The following IQGAP3 variants were observed in gnomAD, a reference collection of about 807,000 sequenced individuals.
IQGAP3 encodes the protein IQ motif containing GTPase activating protein 3.
IQGAP3 carries 165 observed loss-of-function variants against 208.2 expected under a neutral mutation model. The observed-to-expected ratio is 0.79, with a 90% CI of 0.70 to 0.90. The LOEUF is 0.90. IQGAP3 is among the 40% of genes least tolerant of loss of function. The probability of loss-of-function intolerance (pLI) is 0.00; values close to 1 mark genes in which losing one functional copy is unlikely to be tolerated. For missense variants in IQGAP3, 1,811 were observed against 2,043.1 expected (o/e 0.89, Z 2.19); for synonymous variants, 703 against 803.6 (o/e 0.87, Z 2.12).
At chr1:156,539,282 T>G in intron 25 of IQGAP3, 92 bp downstream of exon 25, 1 of 1,227,034 alleles carries the variant, frequency 8.1e-7, no homozygotes, top group Non-Finnish European at 1.2e-6. Context: ...TTTCTACCCT[T>G]AGGCCTCAAC....
Position 156,537,193 on chromosome 1 carries a change from A to G in IQGAP3, c.3410T>C (p.Val1137Ala), listed in dbSNP as rs1571320200. Residue 1137 changes from valine to alanine, a missense_variant, in exon 27 of 38, where the codon GTG (valine) becomes GCG (alanine). Transcript: ENST00000361170. ...CTGTTGCACATACGGAATTTGGTCCACAGATGAGGTGATGGCTAAAAGGAA... is the reference window on the plus strand; with the variant it reads ...CTGTTGCACATACGGAATTTGGTCCGCAGATGAGGTGATGGCTAAAAGGAA... ...DKFLLAITSS[V>A]DQIPYGMRYV... The G allele has an allele frequency of 6.2e-7, 1 of 1,613,590 alleles. No homozygotes were observed. The highest frequency in any genetic ancestry group is 1.1e-5 in the South Asian group (1 of 91,020).
At position 156,563,560 on chromosome 1, in the gene IQGAP3, C is replaced by T; in HGVS notation, c.612G>A (p.Glu204=). The T allele has an allele frequency of 1.2e-6, 2 of 1,612,912 alleles. No homozygotes were observed. Among genetic ancestry groups the T allele is most frequent in the Non-Finnish European group, 1.7e-6 (2 of 1,179,504 alleles). The stretch of plus-strand genomic sequence containing the variant: ...GCAGAGCCTAGTCCTTACCTGCAGC[C>T]TCATCCACCGAGAGCTCATTGGCCA... ...GILANELSVD[E]AAVHAAVLAI... The change falls in exon 7 of 38, where the codon GAG becomes GAA. Residue 204 remains glutamate (E), a synonymous_variant. Transcript: ENST00000361170.
intron 34 of IQGAP3, among the ~76,000 whole-genome samples, chr1:156,529,415 A>G (rs1255028490): frequency 6.6e-6 from 1 of 151,980 alleles, no homozygotes; most frequent in Non-Finnish European, 1.5e-5. Flanking sequence ...ACCTGGGCAC[A>G]TTACCCAGCT....
At position 156,537,192 on chromosome 1, in the gene IQGAP3, C is replaced by G. The variant is rs780353451; in HGVS notation, c.3411G>C (p.Val1137=). Residue 1137 remains valine (V), a synonymous_variant, in exon 27 of 38, where the codon GTG becomes GTC. Coordinates refer to ENST00000361170, the MANE Select transcript of IQGAP3 (RefSeq NM_178229.5). ...GCTGTTGCACATACGGAATTTGGTCCACAGATGAGGTGATGGCTAAAAGGA... is the reference window on the plus strand; with the variant it reads ...GCTGTTGCACATACGGAATTTGGTCGACAGATGAGGTGATGGCTAAAAGGA... The part of the protein sequence containing the change: ...DKFLLAITSS[V]DQIPYGMRYV... 5.0e-6 allele frequency: 8 copies of G among 1,613,118 alleles called. No individual in the cohort carries two copies. In the Admixed American group the frequency reaches 8.4e-5, roughly 17 times the overall value.
chr1:156,544,262 G>A (rs1206414831), intron 20 of IQGAP3, 39 bp from the exon 21 acceptor site: 2 of 1,607,490 alleles, frequency 1.2e-6, no homozygotes, highest in Admixed American at 1.7e-5. Context: ...CCAGCTTGGG[G>A]CCCACCCTCA....
chr1:156,557,424 C>T (rs1243093527), intron 11 of IQGAP3, among the ~76,000 whole-genome samples: 1 of 14,270 alleles, frequency 7.0e-5, no homozygotes, highest in Admixed American at 9.6e-4. Flanking sequence ...CCGCCCCGTC[C>T]GGGAGGGAGG....
intron 12 of IQGAP3, among the ~76,000 whole-genome samples, chr1:156,556,163 C>G (rs2489140): frequency 0.96 from 146,497 of 152,312 alleles, 70,716 homozygotes; most frequent in East Asian, 1. Flanking sequence ...CAGAGAAGAA[C>G]TATGGATTGG....
chr1:156,532,412 A>T (rs2102360079), intron 32 of IQGAP3, among the ~76,000 whole-genome samples: 1 of 150,814 alleles, frequency 6.6e-6, no homozygotes, highest in East Asian at 1.9e-4. Context: ...AAAAAAGTGG[A>T]ATTAGAACAT....
At chr1:156,541,408 T>G (rs542898922) in intron 22 of IQGAP3, among the ~76,000 whole-genome samples, 1 of 152,104 alleles carries the variant, frequency 6.6e-6, no homozygotes, top group East Asian at 1.9e-4. Context: ...GGATGGACAG[T>G]GGGCTTTATA....
intron 23 of IQGAP3, 114 bp from the exon 24 acceptor site, chr1:156,540,104 A>C: frequency 8.3e-7 from 1 of 1,210,104 alleles, no homozygotes; most frequent in Non-Finnish European, 1.2e-6. Flanking sequence ...TTCAAGGAAC[A>C]GGCATAAGCT....
chr1:156,554,001 A>G (rs1181073626), intron 13 of IQGAP3, among the ~76,000 whole-genome samples: 4 of 152,276 alleles, frequency 2.6e-5, no homozygotes, highest in Non-Finnish European at 4.4e-5. Context: ...CACATGGGTC[A>G]GTACTCAAAC....
At chr1:156,570,568 G>C (rs1342336197) in intron 1 of IQGAP3, among the ~76,000 whole-genome samples, 1 of 152,216 alleles carries the variant, frequency 6.6e-6, no homozygotes, top group Non-Finnish European at 1.5e-5. Context: ...ACCCAGGCTG[G>C]AGTGCAGTAG....
intron 19 of IQGAP3, among the ~76,000 whole-genome samples, chr1:156,544,920 G>A (rs1297986618): frequency 6.6e-6 from 1 of 152,232 alleles, no homozygotes; most frequent in Admixed American, 6.5e-5. Context: ...AAAGTGGGCA[G>A]AGAGCAGTCT....
At position 156,539,468 on chromosome 1, in the gene IQGAP3, C is replaced by T; in HGVS notation, c.2962G>A (p.Ala988Thr). ...PQNKTTKFME[A>T]VIFSLYNYAS... ...TAGTTGTACAGGCTGAAAATCACTG[C>T]CTCCATGAACTTGGTGGTTTTGTTC... The change falls in exon 25 of 38, where the codon GCA becomes ACA. Residue 988 changes from alanine to threonine, a missense_variant. Physicochemically the swap from Ala to Thr is moderately conservative, Grantham distance 58 (BLOSUM62 0). Transcript: ENST00000361170. 1 of 1,614,182 alleles carries T rather than the reference C, an allele frequency of 6.2e-7. No individual in the cohort carries two copies. The highest frequency in any genetic ancestry group is 8.5e-7 in the Non-Finnish European group (1 of 1,180,012).
In IQGAP3 at chr1:156,547,400, C is replaced by G. The variant is rs965703329; in HGVS notation, c.2304+673G>C. Among the ~76,000 whole-genome samples, 182 of 151,364 alleles carry G rather than the reference C, an allele frequency of 1.2e-3. 7 individuals are homozygous for G. The South Asian group carries it at 0.029, about 24-fold the overall frequency. Reference sequence around the variant, plus strand: ...ACACAGACACACAGACACACACACACACACACACACACACACACACACACA... The same window carrying G: ...ACACAGACACACAGACACACACACAGACACACACACACACACACACACACA... On this transcript the variant is annotated intron_variant, in intron 19 of 37. Transcript: ENST00000361170.
intron 26 of IQGAP3, among the ~76,000 whole-genome samples, chr1:156,538,288 CT>C (rs1055325800): frequency 5.9e-5 from 9 of 152,230 alleles, no homozygotes; most frequent in Non-Finnish European, 1.2e-4. Context: ...TCTCGATCTC[CT>C]GACCTCGTGA....
intron 1 of IQGAP3, among the ~76,000 whole-genome samples, chr1:156,571,916 C>T (rs1571373534): frequency 6.6e-6 from 1 of 152,312 alleles, no homozygotes; most frequent in Non-Finnish European, 1.5e-5. Context: ...CCAGGGACTA[C>T]CTTCCTCACA....
At chr1:156,550,997 T>C (rs925978269) in intron 15 of IQGAP3, among the ~76,000 whole-genome samples, 6 of 151,348 alleles carry the variant, frequency 4.0e-5, no homozygotes, top group African/African-American at 1.4e-4. Flanking sequence ...ACTAACATTT[T>C]ATTGAGTACT....
chr1:156,541,438 T>C (rs1467036415), intron 22 of IQGAP3, among the ~76,000 whole-genome samples: 1 of 152,080 alleles, frequency 6.6e-6, no homozygotes, highest in Non-Finnish European at 1.5e-5. Context: ...AGGTCAGAGC[T>C]AGCTGGTGAT....
Sources: gnomAD v4.1 joint callset for allele counts (sites outside exome capture counted in the v4.1 genomes callset) on GRCh38, gnomAD v4.1.1 for gene constraint, MANE v1.5 for transcripts, NCBI Gene and HGNC (gene_info 2026-07-23, HGNC 2026-07-21) for gene names.